The following LRMDA variants were observed in gnomAD, a reference collection of about 807,000 sequenced individuals.
LRMDA encodes the protein leucine-rich melanocyte differentiation-associated protein.
A neutral mutation model predicts 29.8 loss-of-function variants in LRMDA; 18 were observed. The observed-to-expected ratio is 0.60, with a 90% CI of 0.42 to 0.90. The LOEUF is 0.90. Among genes scored for constraint, LRMDA ranks in the 40% least tolerant of loss-of-function variants. The probability of loss-of-function intolerance (pLI) is 0.00; values close to 1 mark genes in which losing one functional copy is unlikely to be tolerated. For missense variants in LRMDA, 273 were observed against 273.9 expected (o/e 1.00, Z 0.02); for synonymous variants, 125 against 109.4 (o/e 1.14, Z -0.89).
chr10:76,409,229 G>C (rs949980495), intron 6 of LRMDA, among the ~76,000 whole-genome samples: 10 of 152,080 alleles, frequency 6.6e-5, no homozygotes, highest in African/African-American at 1.9e-4. Context: ...TGAGCTTTTT[G>C]GTAGTTTGAC....
At chr10:76,139,046 G>A (rs753418225) in intron 5 of LRMDA, among the ~76,000 whole-genome samples, 10 of 152,086 alleles carry the variant, frequency 6.6e-5, no homozygotes, top group South Asian at 2.1e-4. Flanking sequence ...AAAAGCAAGC[G>A]GAGATAAACA....
At chr10:75,873,352 A>G (rs1162543811) in intron 2 of LRMDA, among the ~76,000 whole-genome samples, 1 of 152,248 alleles carries the variant, frequency 6.6e-6, no homozygotes, top group Non-Finnish European at 1.5e-5. Context: ...CTTAATTTGT[A>G]TTTAATCTCC....
intron 2 of LRMDA, among the ~76,000 whole-genome samples, chr10:75,681,648 C>T (rs1252973560): frequency 6.6e-6 from 1 of 152,194 alleles, no homozygotes; most frequent in African/African-American, 2.4e-5. Context: ...AGCACAAGCA[C>T]ACTTAGGGCC....
chr10:75,544,535 A>AT (rs1475914922), intron 2 of LRMDA, among the ~76,000 whole-genome samples: 5 of 152,272 alleles, frequency 3.3e-5, no homozygotes, highest in African/African-American at 1.2e-4. Flanking sequence ...ATTCACTGCT[A>AT]TGACTTAGAG....
intron 6 of LRMDA, among the ~76,000 whole-genome samples, chr10:76,428,937 C>A (rs1842159586): frequency 6.6e-6 from 1 of 151,980 alleles, no homozygotes; most frequent in Non-Finnish European, 1.5e-5. Context: ...ATCCATTTGC[C>A]TTTCTCCTTT....
intron 2 of LRMDA, among the ~76,000 whole-genome samples, chr10:75,597,639 C>G (rs1217771234): frequency 6.6e-6 from 1 of 152,190 alleles, no homozygotes; most frequent in Non-Finnish European, 1.5e-5. Flanking sequence ...TTATCCCCCT[C>G]TCTCCCATTC....
chr10:75,803,711 A>G (rs1173880839), intron 2 of LRMDA, among the ~76,000 whole-genome samples: 1 of 152,334 alleles, frequency 6.6e-6, no homozygotes, highest in East Asian at 1.9e-4. Context: ...AGTATTGTCT[A>G]TTAATACTTG....
chr10:76,465,696 C>T lies in LRMDA; in HGVS notation c.602-91513C>T, dbSNP rs118027129. Among the ~76,000 whole-genome samples the T allele has an allele frequency of 2.6e-5, 4 of 152,228 alleles. 1 individual carries two copies. The East Asian group carries it at 5.8e-4, about 22-fold the overall frequency. ...TAGGGCTTCCATAAGAAATGCCACT[C>T]GCTGGGTGACTTAAACAACAGACAT... is the stretch of plus-strand genomic sequence containing the variant. On this transcript the variant is annotated intron_variant, in intron 6 of 6. Transcript: ENST00000611255.
chr10:75,963,915 G>C (rs189125396), intron 2 of LRMDA, among the ~76,000 whole-genome samples: 131 of 152,282 alleles, frequency 8.6e-4, no homozygotes, highest in Middle Eastern at 6.8e-3. Flanking sequence ...GTGCTTAATG[G>C]TGGCAGGCTT....
At chr10:76,243,822 T>G (rs1247489) in intron 5 of LRMDA, among the ~76,000 whole-genome samples, 92,685 of 151,918 alleles carry the variant, frequency 0.61, 28,206 homozygotes, top group Middle Eastern at 0.66. Flanking sequence ...CCCCCCAAAA[T>G]ATATCGCTCC....
intron 2 of LRMDA, among the ~76,000 whole-genome samples, chr10:75,574,130 G>C (rs1229665240): frequency 6.6e-6 from 1 of 152,102 alleles, no homozygotes; most frequent in Admixed American, 6.5e-5. Flanking sequence ...CATACTGTGT[G>C]AATTCAAAGC....
intron 2 of LRMDA, among the ~76,000 whole-genome samples, chr10:75,646,870 T>G (rs1841528591): frequency 6.6e-6 from 1 of 152,174 alleles, no homozygotes; most frequent in Non-Finnish European, 1.5e-5. Context: ...ATCATGCAAG[T>G]TGTCAAGGAA....
At chr10:75,977,057 C>T (rs1382091806) in intron 2 of LRMDA, among the ~76,000 whole-genome samples, 1 of 151,786 alleles carries the variant, frequency 6.6e-6, no homozygotes. Context: ...GGGGTCTGCT[C>T]ACACCACATT....
chr10:76,355,534 G>A (rs1427433728), intron 6 of LRMDA, among the ~76,000 whole-genome samples: 5 of 152,184 alleles, frequency 3.3e-5, no homozygotes, highest in Non-Finnish European at 4.4e-5. Context: ...AAGGACACGT[G>A]TGTGTTATTC....
chr10:75,449,745 A>G (rs1221089083), intron 2 of LRMDA, among the ~76,000 whole-genome samples: 2 of 152,054 alleles, frequency 1.3e-5, no homozygotes, highest in African/African-American at 2.4e-5. Flanking sequence ...CAGAGAACTT[A>G]TCTTCTTCTT....
intron 6 of LRMDA, among the ~76,000 whole-genome samples, chr10:76,424,558 A>C (rs1036671098): frequency 6.6e-6 from 1 of 151,898 alleles, no homozygotes; most frequent in African/African-American, 2.4e-5. Flanking sequence ...AAACAAAAAC[A>C]AAAACAGGTA....
intron 2 of LRMDA, among the ~76,000 whole-genome samples, chr10:75,950,461 C>A (rs1262076269): frequency 6.6e-6 from 1 of 152,208 alleles, no homozygotes; most frequent in East Asian, 1.9e-4. Context: ...CAGCTCTGTT[C>A]ACACATGCCC....
intron 5 of LRMDA, among the ~76,000 whole-genome samples, chr10:76,196,282 T>G (rs757030819): frequency 6.6e-6 from 1 of 152,218 alleles, no homozygotes; most frequent in Non-Finnish European, 1.5e-5. Context: ...ATGGGATGCT[T>G]ATTGTCTAAT....
At position 75,436,258 on chromosome 10, in the gene LRMDA, G is replaced by T. The variant is rs543898668; in HGVS notation, c.31-2136G>T. On this transcript the variant is annotated intron_variant, in intron 1 of 6. Coordinates refer to ENST00000611255, the MANE Select transcript of LRMDA (RefSeq NM_001305581.2). ...AACATCAGAAGTTTTGACAAACTGG[G>T]TGTCTATTAGATTTAGTCCTTGGCC... Among the ~76,000 whole-genome samples the T allele has an allele frequency of 1.2e-4, 19 of 152,208 alleles. 1 individual carries two copies. The highest frequency in any genetic ancestry group is 3.6e-4 in the African/African-American group (15 of 41,536).
Sources: gnomAD v4.1 joint callset for allele counts (sites outside exome capture counted in the v4.1 genomes callset) on GRCh38, gnomAD v4.1.1 for gene constraint, MANE v1.5 for transcripts, NCBI Gene and HGNC (gene_info 2026-07-23, HGNC 2026-07-21) for gene names.